Variants in NFIX observed in about 807,000 individuals in gnomAD.
NFIX encodes the protein nuclear factor 1 X-type.
A neutral mutation model predicts 53.3 loss-of-function variants in NFIX; 2 were observed. The ratio of observed to expected loss-of-function variants is 0.04; its 90% CI spans 0.02 to 0.12. The LOEUF (loss-of-function observed/expected upper bound fraction) is 0.12. Ranked by LOEUF, NFIX falls within the 10% of genes least tolerant of loss-of-function variation. The pLI, the probability that NFIX is intolerant of heterozygous loss-of-function variation, is 1.00. For synonymous variants in NFIX, 244 were observed against 289.0 expected (o/e 0.84, Z 1.58); for missense variants, 310 against 674.5 (o/e 0.46, Z 5.99).
chr19:13,026,550 T>C (rs567171315), intron 2 of NFIX, among the ~76,000 whole-genome samples: 2 of 152,352 alleles, frequency 1.3e-5, no homozygotes, highest in South Asian at 4.1e-4. Flanking sequence ...CTTTCCGCTT[T>C]TGTTTTCTTA....
rs1338023372 is a variant in NFIX, at chr19:13,072,368, A to C, written c.560-679A>C. ...AGCAGCTGTGGCACCGGGGCATGAG[A>C]CAGCCCAGACAGGCTGGCACAGAGC... On this transcript the variant is annotated intron_variant, in intron 2 of 10. Transcript: ENST00000592199. The surrounding 1 kb of genome is among the most constrained non-coding windows in gnomAD (Gnocchi z 4.0). 6.6e-6 allele frequency among the ~76,000 whole-genome samples: 1 copy of C among 152,222 alleles called. No homozygotes were observed. The highest frequency in any genetic ancestry group is 1.5e-5 in the Non-Finnish European group (1 of 68,024).
In NFIX at chr19:13,068,954, A is replaced by C. The variant is rs1443645736; in HGVS notation, c.560-4093A>C. The stretch of plus-strand genomic sequence containing the variant: ...CTCTCCCTCCCCTAGCCTGGCCCAG[A>C]AACCAGGGACCCCGAATGCCAGCCT... On this transcript the variant is annotated intron_variant, in intron 2 of 10. Coordinates refer to ENST00000592199, the MANE Select transcript of NFIX (RefSeq NM_001365902.3). This position sits in a 1 kb window ranked among gnomAD's most constrained non-coding sequence, Gnocchi z 4.2. Among the ~76,000 whole-genome samples the C allele has an allele frequency of 1.3e-5, 2 of 152,214 alleles. No homozygotes were observed. Among genetic ancestry groups the C allele is most frequent in the African/African-American group, 4.8e-5 (2 of 41,452 alleles).
intron 2 of NFIX, among the ~76,000 whole-genome samples, chr19:13,063,545 T>C (rs28437309): frequency 0.013 from 1,995 of 152,254 alleles, 46 homozygotes; most frequent in African/African-American, 0.046. Context: ...TTTGTCCCCT[T>C]TCCCTGCCTC....
Position 13,078,692 on chromosome 19 carries a change from T to C in NFIX, c.1035T>C (p.Ala345=). ...CTCAGGGCAGCTCCCCGCGCATGGC[T>C]TTCACCCACCACCCGCTGCCTGTGC... ...LSSQGSSPRM[A]FTHHPLPVLA... is the part of the protein sequence containing the mutation. Residue 345 remains alanine, a synonymous_variant, in exon 7 of 11, where the codon GCT becomes GCC. Coordinates refer to ENST00000592199, the MANE Select transcript of NFIX (RefSeq NM_001365902.3). This position sits in a 1 kb window ranked among gnomAD's most constrained non-coding sequence, Gnocchi z 4.7. 6.2e-7 allele frequency: 1 copy of C among 1,600,148 alleles called. No individual in the cohort carries two copies. The highest frequency in any genetic ancestry group is 2.3e-5 in the East Asian group (1 of 44,316).
At chr19:13,075,869 G>T (rs931542472) in intron 6 of NFIX, among the ~76,000 whole-genome samples, 198 bp downstream of exon 6, 4 of 152,312 alleles carry the variant, frequency 2.6e-5, no homozygotes, top group African/African-American at 9.6e-5. Flanking sequence ...GAGGAGGGGT[G>T]CTGTGAGAGT....
chr19:13,000,394 A>G (rs576541635), intron 1 of NFIX, among the ~76,000 whole-genome samples: 2 of 152,140 alleles, frequency 1.3e-5, no homozygotes, highest in East Asian at 1.9e-4. Flanking sequence ...GCACCTCCCA[A>G]CCATAGATAT....
intron 1 of NFIX, among the ~76,000 whole-genome samples, chr19:13,015,939 G>C (rs573823374): frequency 4.6e-5 from 7 of 152,350 alleles, no homozygotes; most frequent in African/African-American, 1.4e-4. Flanking sequence ...GTTTGCATTT[G>C]ATGATACTGG....
At chr19:13,086,352 G>C (rs1451401904) in intron 8 of NFIX, among the ~76,000 whole-genome samples, 1 of 152,226 alleles carries the variant, frequency 6.6e-6, no homozygotes, top group East Asian at 1.9e-4. Context: ...CTGGTGGAAA[G>C]AATCCTAGCA....
rs190204021 is a variant in NFIX, at chr19:13,013,820, C to T, written c.28-11201C>T. 5 of 152,248 alleles carry T rather than the reference C, an allele frequency of 3.3e-5. No homozygotes were observed. Among genetic ancestry groups the T allele is most frequent in the Admixed American group, 6.5e-5 (1 of 15,298 alleles). 9.4% of individuals were successfully genotyped at this position (152,248 alleles called of 1,614,324 possible). ...GTCCCGCGACTGAGCTTGCGGTCGC[C>T]CCGATTCTCTAGTAGACCCTGGCGT... On this transcript the variant is annotated intron_variant, in intron 1 of 10. Transcript: ENST00000592199. The surrounding 1 kb of genome is among the most constrained non-coding windows in gnomAD (Gnocchi z 5.9).
chr19:13,002,722 C>T lies in NFIX; in HGVS notation c.27+6858C>T, dbSNP rs1341717177. Among the ~76,000 whole-genome samples, 3 of 152,128 alleles carry T rather than the reference C, an allele frequency of 2.0e-5. No individual in the cohort carries two copies. ...CCAGCCAGGGAGGGGAGGCGGGTAG[C>T]GGGCACTGCGGCGCTCTGCAGCCAA... On this transcript the variant is annotated intron_variant, in intron 1 of 10. Coordinates refer to ENST00000592199, the MANE Select transcript of NFIX (RefSeq NM_001365902.3). This position sits in a 1 kb window ranked among gnomAD's most constrained non-coding sequence, Gnocchi z 6.1.
At chr19:13,039,954 G>C (rs1276736196) in intron 2 of NFIX, among the ~76,000 whole-genome samples, 1 of 152,192 alleles carries the variant, frequency 6.6e-6, no homozygotes, top group Non-Finnish European at 1.5e-5. Context: ...AGAGAGCCAA[G>C]ATGGGAAAGT....
Position 13,045,352 on chromosome 19 carries a change from G to T in NFIX, c.559+19800G>T, listed in dbSNP as rs1187384064. Among the ~76,000 whole-genome samples the T allele has an allele frequency of 1.3e-5, 2 of 152,006 alleles. No homozygotes were observed. The highest frequency in any genetic ancestry group is 4.8e-5 in the African/African-American group (2 of 41,390). ...TGGTTCTGCCCCTAGGGTATATTTG[G>T]TAGTGGCTGAAAACAGTTTTGGTTG... On this transcript the variant is annotated intron_variant, in intron 2 of 10. Transcript: ENST00000592199. The surrounding 1 kb of genome is among the most constrained non-coding windows in gnomAD (Gnocchi z 4.4).
chr19:13,098,459 A>C lies in NFIX; in HGVS notation c.*3810A>C, dbSNP rs2018596673. The C allele has an allele frequency of 6.6e-6, 1 of 152,330 alleles. No homozygotes were observed. 9.4% of individuals were successfully genotyped at this position (152,330 alleles called of 1,614,324 possible). On this transcript the variant is annotated 3_prime_UTR_variant, in exon 11 of 11. Coordinates refer to ENST00000592199, the MANE Select transcript of NFIX (RefSeq NM_001365902.3). ...AGTATATACGAGTATCTCTATATATAGTACTAATGGATTTGGTGTGCTTCC... is the reference window on the plus strand; with the variant it reads ...AGTATATACGAGTATCTCTATATATCGTACTAATGGATTTGGTGTGCTTCC...
In NFIX at chr19:13,025,141, A is replaced by C; in HGVS notation, c.148A>C (p.Lys50Gln). The C allele has an allele frequency of 6.2e-7, 1 of 1,614,200 alleles. No homozygotes were observed. Among genetic ancestry groups the C allele is most frequent in the Non-Finnish European group, 8.5e-7 (1 of 1,180,030 alleles). The change falls in exon 2 of 11, where the codon AAG becomes CAG. Residue 50 changes from lysine (K) to glutamine (Q), a missense_variant. Physicochemically the swap from Lys to Gln is moderately conservative, Grantham distance 53. This residue lies in a region of NFIX where 64 missense variants were observed against 144.5 expected (regional missense o/e 0.44). Transcript: ENST00000592199. The surrounding 1 kb of genome is among the most constrained non-coding windows in gnomAD (Gnocchi z 7.5). The part of the protein sequence containing the change: ...YFKKHEKRMS[K>Q]DEERAVKDEL... ...CAAGAAGCATGAAAAGCGGATGTCG[A>C]AGGACGAGGAGCGGGCGGTGAAGGA... is the stretch of plus-strand genomic sequence containing the variant.
intron 2 of NFIX, among the ~76,000 whole-genome samples, chr19:13,041,539 A>G (rs2014618537): frequency 6.6e-6 from 1 of 152,128 alleles, no homozygotes; most frequent in Non-Finnish European, 1.5e-5. Flanking sequence ...GCTCATGCCT[A>G]TAATCCCAGC....
chr19:13,003,474 G>T (rs897236207), intron 1 of NFIX, among the ~76,000 whole-genome samples: 6 of 152,028 alleles, frequency 3.9e-5, no homozygotes, highest in Non-Finnish European at 7.4e-5. Context: ...TAATGTCAGT[G>T]CCCAAAACAC....
Position 13,005,176 on chromosome 19 carries a change from C to T in NFIX, c.27+9312C>T, listed in dbSNP as rs2011948342. 6.6e-6 allele frequency among the ~76,000 whole-genome samples: 1 copy of T among 152,206 alleles called. No individual in the cohort carries two copies. Among genetic ancestry groups the T allele is most frequent in the Admixed American group, 6.5e-5 (1 of 15,280 alleles). The stretch of plus-strand genomic sequence containing the variant: ...GGGGCTGTCTCACTAATCCTTTGGC[C>T]TTTGACTCCCCAGTTCTGACCCCAG... On this transcript the variant is annotated intron_variant, in intron 1 of 10. Transcript: ENST00000592199. This position sits in a 1 kb window ranked among gnomAD's most constrained non-coding sequence, Gnocchi z 4.7.
chr19:13,070,769 C>T (rs2016728702), intron 2 of NFIX: 3 of 152,452 alleles, frequency 2.0e-5, no homozygotes, highest in African/African-American at 7.2e-5. Context: ...TTACACAGAG[C>T]TAATAGTAAT....
chr19:13,033,958 T>C (rs1374164983), intron 2 of NFIX, among the ~76,000 whole-genome samples: 1 of 152,176 alleles, frequency 6.6e-6, no homozygotes, highest in East Asian at 1.9e-4. Context: ...TTGAGTGATA[T>C]AGACAGGGCA....
Sources: gnomAD v4.1 joint callset for allele counts (sites outside exome capture counted in the v4.1 genomes callset) on GRCh38, gnomAD v4.1.1 for gene constraint, gnomAD v4.1.1 regional missense constraint, Gnocchi (gnomAD v3.1) non-coding constraint, MANE v1.5 for transcripts, NCBI Gene and HGNC (gene_info 2026-07-23, HGNC 2026-07-21) for gene names.